The following PLAC9 variants were observed in gnomAD, a reference collection of about 807,000 sequenced individuals.
PLAC9 encodes placenta-specific protein 9.
In PLAC9, 12 loss-of-function variants were observed where a neutral mutation model predicts 11.5. That is an observed-to-expected ratio of 1.05 (90% CI 0.67 to 1.69). PLAC9 has a LOEUF of 1.69. Among genes scored for constraint, PLAC9 ranks in the 40% most tolerant of loss-of-function variants. The probability of loss-of-function intolerance (pLI) is 0.00; values close to 1 mark genes in which losing one functional copy is unlikely to be tolerated. For synonymous variants in PLAC9, 62 were observed against 58.1 expected (o/e 1.07, Z -0.31); for missense variants, 132 against 130.5 (o/e 1.01, Z -0.06).
Position 80,145,328 on chromosome 10 carries a change from C to A in PLAC9, c.*418C>A. The A allele has an allele frequency of 3.7e-6, 1 of 272,750 alleles. No individual in the cohort carries two copies. The highest frequency in any genetic ancestry group is 6.9e-6 in the Non-Finnish European group (1 of 145,418). 16.9% of individuals were successfully genotyped at this position (272,750 alleles called of 1,614,324 possible). A position where few individuals can be genotyped will look rare whatever the true frequency, so the allele number is the denominator to read the frequency against. On this transcript the variant is annotated 3_prime_UTR_variant, in exon 4 of 4. Coordinates refer to ENST00000372263, the MANE Select transcript of PLAC9 (RefSeq NM_001012973.3). ...TGAGACCCCCAGGGATTTTATGTGT[C>A]CATTAAAGTGGTTTGTTGTTGTTTT...
chr10:80,137,152 G>C (rs1490777583), intron 1 of PLAC9, among the ~76,000 whole-genome samples: 2 of 152,212 alleles, frequency 1.3e-5, no homozygotes, highest in Non-Finnish European at 2.9e-5. Flanking sequence ...TTGCTCCAGG[G>C]TGCACAAAGC....
chr10:80,140,139 G>C (rs1260901689), intron 1 of PLAC9, among the ~76,000 whole-genome samples: 3 of 151,908 alleles, frequency 2.0e-5, no homozygotes, highest in African/African-American at 7.3e-5. Flanking sequence ...CCTCCCATCA[G>C]TTCAGGAAGT....
intron 1 of PLAC9, among the ~76,000 whole-genome samples, chr10:80,141,833 C>T (rs1178240614): frequency 6.6e-6 from 1 of 151,982 alleles, no homozygotes; most frequent in African/African-American, 2.4e-5. Flanking sequence ...TGGCTGAAGC[C>T]CATCCTCCCT....
intron 1 of PLAC9, among the ~76,000 whole-genome samples, chr10:80,135,161 G>A (rs181705986): frequency 1.2e-3 from 175 of 150,314 alleles, no homozygotes; most frequent in African/African-American, 3.9e-3. Flanking sequence ...CTGGGACTAC[G>A]GACGGCTGCA....
chr10:80,141,724 G>T (rs1480460326), intron 1 of PLAC9, among the ~76,000 whole-genome samples: 1 of 152,000 alleles, frequency 6.6e-6, no homozygotes, highest in Non-Finnish European at 1.5e-5. Context: ...TCTCTCTCCC[G>T]CCCACCCTGT....
In PLAC9 at chr10:80,145,081, C is replaced by T. The variant is rs1471029085; in HGVS notation, c.*171C>T. On this transcript the variant is annotated 3_prime_UTR_variant, in exon 4 of 4. Coordinates refer to ENST00000372263, the MANE Select transcript of PLAC9 (RefSeq NM_001012973.3). ...CCCGTTTAACTACAGCCTCCTCTCA[C>T]TCCACTTCCATGCCTGGAGGAAGCC... 2.3e-6 allele frequency: 2 copies of T among 867,424 alleles called. No homozygotes were observed. The highest frequency in any genetic ancestry group is 3.7e-6 in the Non-Finnish European group (2 of 534,940). 53.7% of individuals were successfully genotyped at this position (867,424 alleles called of 1,614,324 possible). A position where few individuals can be genotyped will look rare whatever the true frequency, so the allele number is the denominator to read the frequency against.
intron 1 of PLAC9, among the ~76,000 whole-genome samples, chr10:80,138,557 AG>A (rs1845003959): frequency 6.6e-6 from 1 of 152,170 alleles, no homozygotes; most frequent in Non-Finnish European, 1.5e-5. Flanking sequence ...CTCATCTCTG[AG>A]TGGAAGTGCT....
At chr10:80,133,755 TA>T (rs1318839955) in intron 1 of PLAC9, among the ~76,000 whole-genome samples, 2 of 152,090 alleles carry the variant, frequency 1.3e-5, no homozygotes, top group Non-Finnish European at 2.9e-5. Context: ...CCAGCCTCGC[TA>T]ACATGGTGAA....
chr10:80,132,837 C>A lies in PLAC9; in HGVS notation c.64+11C>A. 6.7e-7 allele frequency: 1 copy of A among 1,489,702 alleles called. No homozygotes were observed. Among genetic ancestry groups the A allele is most frequent in the Non-Finnish European group, 8.9e-7 (1 of 1,127,326 alleles). 92.3% of individuals were successfully genotyped at this position (1,489,702 alleles called of 1,614,324 possible). A position where few individuals can be genotyped will look rare whatever the true frequency, so the allele number is the denominator to read the frequency against. On this transcript the variant is annotated intron_variant, in intron 1 of 3. Coordinates refer to ENST00000372263, the MANE Select transcript of PLAC9 (RefSeq NM_001012973.3). ...CGGGCTCTTTGGCCGGTGAGTGGGG[C>A]GCAGGGCGCGGCAGGGGACCTGGAG...
chr10:80,135,031 T>TTTATTTATTTAG (rs1464666478), intron 1 of PLAC9, among the ~76,000 whole-genome samples: 4 of 151,798 alleles, frequency 2.6e-5, no homozygotes, highest in Non-Finnish European at 1.5e-5. Context: ...TATTTATTTA[T>TTTATTTATTTAG]TTATTTGAGA....
intron 1 of PLAC9, among the ~76,000 whole-genome samples, chr10:80,136,656 TTTTATTTATTTATTTA>T (rs138774775): frequency 4.8e-5 from 7 of 146,410 alleles, no homozygotes; most frequent in African/African-American, 7.5e-5. Context: ...TTAATTTTTA[TTTTATTTATTTATTTA>T]TTTATTTATT....
chr10:80,144,379 C>T (rs1845076868), intron 3 of PLAC9, 36 bp downstream of exon 3: 2 of 1,549,250 alleles, frequency 1.3e-6, no homozygotes, highest in African/African-American at 1.4e-5. Flanking sequence ...AGCCTCTGGG[C>T]GGCTGTCATC....
Position 80,144,353 on chromosome 10 carries a change from G to T in PLAC9, c.283+10G>T. 6.3e-7 allele frequency: 1 copy of T among 1,589,302 alleles called. No homozygotes were observed. ...CCCGACCTTCTCGGAGGTGAGCAGT[G>T]CAGGTGGCAGAGGACAGCCTCTGGG... On this transcript the variant is annotated intron_variant, in intron 3 of 3. Coordinates refer to ENST00000372263, the MANE Select transcript of PLAC9 (RefSeq NM_001012973.3).
chr10:80,135,488 G>A (rs879861044), intron 1 of PLAC9, among the ~76,000 whole-genome samples: 3 of 151,838 alleles, frequency 2.0e-5, no homozygotes, highest in Non-Finnish European at 4.4e-5. Context: ...ACCACACCCA[G>A]CTAATTTTTG....
At chr10:80,138,116 T>A (rs1405124824) in intron 1 of PLAC9, among the ~76,000 whole-genome samples, 1 of 152,170 alleles carries the variant, frequency 6.6e-6, no homozygotes, top group Non-Finnish European at 1.5e-5. Flanking sequence ...AGCCAGCTTT[T>A]GTTATGGAAC....
Position 80,145,002 on chromosome 10 carries a change from C to G in PLAC9, c.*92C>G, listed in dbSNP as rs986797263. The G allele has an allele frequency of 9.5e-6, 14 of 1,466,484 alleles. No individual in the cohort carries two copies. Among genetic ancestry groups the G allele is most frequent in the Non-Finnish European group, 1.2e-5 (13 of 1,069,434 alleles). The allele number at this position is 1,466,484 out of a possible 1,614,324, so 90.8% of individuals were successfully genotyped here. On this transcript the variant is annotated 3_prime_UTR_variant, in exon 4 of 4. Coordinates refer to ENST00000372263, the MANE Select transcript of PLAC9 (RefSeq NM_001012973.3). ...CTGTCCTCTCGACTTCCTTCCTTAG[C>G]TTCATGTGAAATAAAAGCTATTCTG...
intron 1 of PLAC9, among the ~76,000 whole-genome samples, chr10:80,135,629 G>A (rs1005782202): frequency 1.3e-5 from 2 of 151,836 alleles, no homozygotes; most frequent in Admixed American, 6.6e-5. Context: ...ATGAGCCACC[G>A]CGCTGGGCCC....
chr10:80,143,199 C>T (rs2132338502), intron 2 of PLAC9, among the ~76,000 whole-genome samples: 1 of 151,266 alleles, frequency 6.6e-6, no homozygotes, highest in Non-Finnish European at 1.5e-5. Flanking sequence ...CCACCATGCC[C>T]AGCTAATTTT....
chr10:80,138,538 G>C (rs1845003781), intron 1 of PLAC9, among the ~76,000 whole-genome samples: 1 of 152,130 alleles, frequency 6.6e-6, no homozygotes, highest in African/African-American at 2.4e-5. Flanking sequence ...TTTTGTCTCT[G>C]GTCCTGTTCT....
Sources: allele counts gnomAD v4.1 joint callset (sites outside exome capture counted in the v4.1 genomes callset), GRCh38; gene constraint gnomAD v4.1.1; transcripts MANE v1.5; gene names NCBI Gene and HGNC (gene_info 2026-07-23, HGNC 2026-07-21).